TRHDE: variants seen among roughly 807,000 people sequenced by gnomAD.
The protein encoded by TRHDE is thyrotropin releasing hormone degrading enzyme.
A neutral mutation model predicts 125.7 loss-of-function variants in TRHDE; 72 were observed. The observed-to-expected ratio is 0.57, with a 90% CI of 0.47 to 0.70. TRHDE has a LOEUF of 0.70. TRHDE is among the 30% of genes least tolerant of loss of function. The pLI, the probability that TRHDE is intolerant of heterozygous loss-of-function variation, is 0.00. For missense variants in TRHDE, 1,110 were observed against 1,327.1 expected, an observed-to-expected ratio of 0.84 and a Z score of 2.54; for synonymous variants, 509 against 509.1, an observed-to-expected ratio of 1.00 and a Z score of 0.00.
intron 15 of TRHDE, among the ~76,000 whole-genome samples, chr12:72,645,053 T>C (rs1314720797): frequency 6.6e-6 from 1 of 152,166 alleles, no homozygotes; most frequent in Middle Eastern, 3.2e-3. Context: ...ATTTGGAGAA[T>C]TGATTAACGT....
intron 15 of TRHDE, among the ~76,000 whole-genome samples, chr12:72,642,889 T>G (rs569978761): frequency 6.6e-6 from 1 of 152,208 alleles, no homozygotes; most frequent in South Asian, 2.1e-4. Context: ...CATTTGTTTC[T>G]AATGACTTTG....
intron 3 of TRHDE, among the ~76,000 whole-genome samples, chr12:72,424,957 G>GA (rs967518049): frequency 6.6e-6 from 1 of 151,342 alleles, no homozygotes; most frequent in Non-Finnish European, 1.5e-5. Context: ...TCACAGAAAG[G>GA]AAAAAAAAGT....
At chr12:72,439,089 T>C (rs1874878034) in intron 3 of TRHDE, among the ~76,000 whole-genome samples, 1 of 151,974 alleles carries the variant, frequency 6.6e-6, no homozygotes, top group Non-Finnish European at 1.5e-5. Context: ...GGTGCCTTTG[T>C]TGAATGTCAG....
chr12:72,091,701 C>T (rs543012526), intron 1 of TRHDE, among the ~76,000 whole-genome samples: 7 of 152,260 alleles, frequency 4.6e-5, no homozygotes, highest in African/African-American at 1.7e-4. Context: ...CTCGTAAACG[C>T]AGAATGTTGG....
intron 2 of TRHDE, among the ~76,000 whole-genome samples, chr12:72,343,913 A>G (rs545343793): frequency 2.6e-4 from 40 of 152,026 alleles, no homozygotes; most frequent in Admixed American, 1.6e-3. Flanking sequence ...TTACCTTGCT[A>G]TTGTTATTCT....
chr12:72,563,060 G>A lies in TRHDE; in HGVS notation c.2042+20G>A, dbSNP rs192802700. 5.4e-5 allele frequency: 82 copies of A among 1,508,664 alleles called. No homozygotes were observed. The Admixed American group carries it at 6.6e-4, about 12-fold the overall frequency. 93.5% of individuals were successfully genotyped at this position (1,508,664 alleles called of 1,614,324 possible). ...TAACAGGTATGACATTCTTTTTTAC[G>A]TGAAAAATATTGTTTTTATTCTTAC... On this transcript the variant is annotated intron_variant, in intron 9 of 18. Coordinates refer to ENST00000261180, the MANE Select transcript of TRHDE (RefSeq NM_013381.3).
At chr12:72,629,249 A>G (rs1873379317) in intron 15 of TRHDE, among the ~76,000 whole-genome samples, 1 of 151,804 alleles carries the variant, frequency 6.6e-6, no homozygotes, top group Non-Finnish European at 1.5e-5. Flanking sequence ...TTAAAAAATT[A>G]TATTACTAGC....
chr12:72,302,809 A>C (rs115869789), intron 2 of TRHDE, among the ~76,000 whole-genome samples: 2,653 of 152,252 alleles, frequency 0.017, 70 homozygotes, highest in African/African-American at 0.061. Flanking sequence ...CTTTACCTTT[A>C]CCACCCTTTG....
intron 3 of TRHDE, among the ~76,000 whole-genome samples, chr12:72,468,296 A>G (rs1876479751): frequency 6.6e-6 from 1 of 152,210 alleles, no homozygotes; most frequent in African/African-American, 2.4e-5. Context: ...CAGATTGTCC[A>G]TGTGATGTAT....
At chr12:72,521,367 A>C (rs1047675073) in intron 6 of TRHDE, among the ~76,000 whole-genome samples, 3 of 152,190 alleles carry the variant, frequency 2.0e-5, no homozygotes, top group African/African-American at 7.2e-5. Flanking sequence ...CCAACAGCAT[A>C]AGGAGCTCAG....
chr12:72,497,621 GTATAAT>G (rs1433868035), intron 5 of TRHDE, among the ~76,000 whole-genome samples: 1 of 152,014 alleles, frequency 6.6e-6, no homozygotes, highest in Non-Finnish European at 1.5e-5. Flanking sequence ...TCAAGTTGAA[GTATAAT>G]TATAATTTCA....
intron 1 of TRHDE, among the ~76,000 whole-genome samples, chr12:72,104,431 G>C (rs575022217): frequency 2.0e-5 from 3 of 152,212 alleles, no homozygotes; most frequent in South Asian, 4.1e-4. Context: ...TGGTTTCCTT[G>C]ATAAGCTCTA....
At chr12:72,619,986 A>ATT (rs1243083052) in intron 13 of TRHDE, among the ~76,000 whole-genome samples, 19 of 147,424 alleles carry the variant, frequency 1.3e-4, no homozygotes, top group African/African-American at 4.5e-4. Context: ...TTTTTTTTAA[A>ATT]AAATGGGAAT....
chr12:72,326,336 G>C (rs149543295), intron 2 of TRHDE, among the ~76,000 whole-genome samples: 3,367 of 152,178 alleles, frequency 0.022, 80 homozygotes, highest in Non-Finnish European at 0.024. Flanking sequence ...ACTCATAAGT[G>C]GGAGTTGAAC....
chr12:72,575,783 C>A (rs1160603073), intron 12 of TRHDE, among the ~76,000 whole-genome samples: 8 of 152,066 alleles, frequency 5.3e-5, no homozygotes, highest in Admixed American at 3.9e-4. Flanking sequence ...CGATTTAACA[C>A]TGAAGATTAA....
intron 12 of TRHDE, among the ~76,000 whole-genome samples, chr12:72,607,124 C>A (rs768300256): frequency 2.6e-5 from 4 of 151,974 alleles, no homozygotes; most frequent in Non-Finnish European, 5.9e-5. Context: ...AAAAAATTTC[C>A]TTCCCAACAA....
chr12:72,213,388 T>G (rs1043579306), intron 2 of TRHDE, among the ~76,000 whole-genome samples: 2 of 152,100 alleles, frequency 1.3e-5, no homozygotes, highest in Non-Finnish European at 1.5e-5. Flanking sequence ...ATCTTTTGAG[T>G]GCATCACAGT....
intron 2 of TRHDE, among the ~76,000 whole-genome samples, chr12:72,244,791 A>G (rs932537019): frequency 9.9e-5 from 15 of 152,136 alleles, no homozygotes; most frequent in African/African-American, 3.4e-4. Context: ...AAAAAAAGGA[A>G]TGATATAAAA....
chr12:72,129,503 A>G (rs896685531), intron 2 of TRHDE, among the ~76,000 whole-genome samples: 2 of 152,240 alleles, frequency 1.3e-5, no homozygotes, highest in Non-Finnish European at 2.9e-5. Context: ...GGGTTCCCCT[A>G]AGGATGTATA....
Sources: allele counts gnomAD v4.1 joint callset (sites outside exome capture counted in the v4.1 genomes callset), GRCh38; gene constraint gnomAD v4.1.1; transcripts MANE v1.5; gene names NCBI Gene and HGNC (gene_info 2026-07-23, HGNC 2026-07-21).